Variants in ZC3H12D observed in about 807,000 individuals in gnomAD.
ZC3H12D encodes probable ribonuclease ZC3H12D.
Under a neutral mutation model 24.2 loss-of-function variants are expected in ZC3H12D, and 11 were observed. That is an observed-to-expected ratio of 0.46 (90% CI 0.29 to 0.75). The LOEUF is 0.75. Among genes scored for constraint, ZC3H12D ranks in the 30% least tolerant of loss-of-function variants. ZC3H12D has a pLI of 0.11. For missense variants in ZC3H12D, 740 were observed against 767.7 expected (o/e 0.96, Z 0.43); for synonymous variants, 333 against 341.8 (o/e 0.97, Z 0.28).
Position 149,471,957 on chromosome 6 carries a change from C to T in ZC3H12D, c.305+2282G>A, listed in dbSNP as rs77029526. Among the ~76,000 whole-genome samples, 152 of 152,360 alleles carry T rather than the reference C, an allele frequency of 1.0e-3. 2 individuals are homozygous for T. The highest frequency in any genetic ancestry group is 3.6e-3 in the African/African-American group (149 of 41,578). ...GAAAATGGCAATGTCTGCAATACTA[C>T]AAAACCTCAGTGAAAGGGAATTTTC... is the stretch of plus-strand genomic sequence containing the variant. On this transcript the variant is annotated intron_variant, in intron 2 of 5. Coordinates refer to ENST00000409806, the MANE Select transcript of ZC3H12D (RefSeq NM_207360.3).
In ZC3H12D at chr6:149,481,510, G is replaced by C. The variant is rs538377587; in HGVS notation, c.-71+3303C>G. Among the ~76,000 whole-genome samples, 230 of 151,716 alleles carry C rather than the reference G, an allele frequency of 1.5e-3. 2 individuals carry two copies. The highest frequency in any genetic ancestry group is 2.6e-3 in the Non-Finnish European group (180 of 67,972). ...CCTGCCTCAGCCTCCTGAGTAGCTG[G>C]GACTACAGGCACATGCCACCACGCC... On this transcript the variant is annotated intron_variant, in intron 1 of 5. Transcript: ENST00000409806.
At chr6:149,463,579 C>T (rs2115006661) in intron 2 of ZC3H12D, among the ~76,000 whole-genome samples, 1 of 152,280 alleles carries the variant, frequency 6.6e-6, no homozygotes, top group Admixed American at 6.5e-5. Flanking sequence ...CGTGGTGGCG[C>T]ATGCCTATAA....
rs1776077618 is a variant in ZC3H12D, at chr6:149,461,815, A to T, written c.445+16T>A. The T allele has an allele frequency of 6.4e-7, 1 of 1,551,622 alleles. No homozygotes were observed. Among genetic ancestry groups the T allele is most frequent in the South Asian group, 1.2e-5 (1 of 83,734 alleles). ...CGTGTCTAGTACCTCTTGAGCATAC[A>T]TCTGCTCCAGCATACCTCTGATAGG... On this transcript the variant is annotated intron_variant, in intron 3 of 5. Transcript: ENST00000409806.
rs571955476 is a variant in ZC3H12D at position 149,481,563 on chromosome 6, C to T, written c.-71+3250G>A. On this transcript the variant is annotated intron_variant, in intron 1 of 5. Transcript: ENST00000409806. ...AGTAATTTTTGTATTTTAGTAGAGACGGGGTTTCACTGGGTAGGTCAAACT... is the reference window on the plus strand; with the variant it reads ...AGTAATTTTTGTATTTTAGTAGAGATGGGGTTTCACTGGGTAGGTCAAACT... 9.2e-5 allele frequency among the ~76,000 whole-genome samples: 14 copies of T among 151,708 alleles called. 3 individuals carry two copies. Among genetic ancestry groups the T allele is most frequent in the Middle Eastern group, 6.8e-3 (2 of 294 alleles).
At position 149,452,647 on chromosome 6, in the gene ZC3H12D, G is replaced by A. The variant is rs1245849974; in HGVS notation, c.756C>T (p.Pro252=). 6.2e-7 allele frequency: 1 copy of A among 1,603,428 alleles called. No homozygotes were observed. The highest frequency in any genetic ancestry group is 8.5e-7 in the Non-Finnish European group (1 of 1,175,482). ...LSNFLSRKPK[P]PEPSWQHCPY... ...GACAATGCTGCCAGGATGGCTCTGG[G>A]GGCTTCGGCTTCCTGCTCAGGAAGT... Residue 252 remains proline, a synonymous_variant, in exon 5 of 6, where the codon CCC becomes CCT. Coordinates refer to ENST00000409806, the MANE Select transcript of ZC3H12D (RefSeq NM_207360.3). The surrounding 1 kb of genome is among the most constrained non-coding windows in gnomAD (Gnocchi z 4.0).
At position 149,450,835 on chromosome 6, in the gene ZC3H12D, G is replaced by T. The variant is rs1216427251; in HGVS notation, c.1432C>A (p.Arg478Ser). 6.5e-7 allele frequency: 1 copy of T among 1,545,948 alleles called. No homozygotes were observed. The highest frequency in any genetic ancestry group is 2.0e-5 in the Admixed American group (1 of 50,990). The change falls in exon 6 of 6, where the codon CGC becomes AGC. Residue 478 changes from arginine to serine, a missense_variant. Physicochemically the swap from Arg to Ser is moderately radical, Grantham distance 110. Transcript: ENST00000409806. ...YATEDDEGDA[R>S]ARARIALYSV... The stretch of plus-strand genomic sequence containing the variant: ...TAGAGCGCGATGCGAGCCCGGGCGC[G>T]CGCGTCCCCCTCGTCGTCCTCGGTC...
chr6:149,476,844 G>A (rs1776350042), intron 1 of ZC3H12D, among the ~76,000 whole-genome samples: 1 of 124,500 alleles, frequency 8.0e-6, no homozygotes, highest in Admixed American at 8.0e-5. Flanking sequence ...ATGCAGTTTG[G>A]AAATCTTTCC....
At chr6:149,453,297 C>CT (rs1254631815) in intron 4 of ZC3H12D, among the ~76,000 whole-genome samples, 2 of 62,344 alleles carry the variant, frequency 3.2e-5, no homozygotes, top group East Asian at 4.3e-3. Context: ...GAGATCCTGG[C>CT]TAAAAAAAAA....
At chr6:149,483,313 T>C (rs1218303434) in intron 1 of ZC3H12D, 2 of 152,132 alleles carry the variant, frequency 1.3e-5, no homozygotes, top group Non-Finnish European at 2.9e-5. Context: ...TTTTTTAATT[T>C]TCTTTAAATT....
intron 3 of ZC3H12D, chr6:149,459,706 G>A (rs1562473120): frequency 1.4e-6 from 1 of 717,704 alleles, no homozygotes; most frequent in South Asian, 1.5e-5. Flanking sequence ...CTACAACTAG[G>A]AAGGAAGAAG....
chr6:149,454,538 T>A (rs1391971964), intron 4 of ZC3H12D, among the ~76,000 whole-genome samples: 4 of 152,124 alleles, frequency 2.6e-5, no homozygotes, highest in Admixed American at 6.5e-5. Context: ...CCCACTGTGG[T>A]TATTAAACGT....
chr6:149,450,818 G>A lies in ZC3H12D; in HGVS notation c.1449C>T (p.Ile483=). The change falls in exon 6 of 6, where the codon ATC becomes ATT. Residue 483 remains isoleucine (I), a synonymous_variant. Coordinates refer to ENST00000409806, the MANE Select transcript of ZC3H12D (RefSeq NM_207360.3). ...CACGCGGGAAGACGCTGTAGAGCGCGATGCGAGCCCGGGCGCGCGCGTCCC... is the reference window on the plus strand; with the variant it reads ...CACGCGGGAAGACGCTGTAGAGCGCAATGCGAGCCCGGGCGCGCGCGTCCC... ...DEGDARARAR[I]ALYSVFPRDQ... is the part of the protein sequence containing the mutation. The A allele has an allele frequency of 6.5e-7, 1 of 1,547,586 alleles. No individual in the cohort carries two copies. Among genetic ancestry groups the A allele is most frequent in the Non-Finnish European group, 8.7e-7 (1 of 1,146,742 alleles).
intron 1 of ZC3H12D, chr6:149,483,194 T>C (rs777442308): frequency 6.6e-6 from 1 of 152,186 alleles, no homozygotes; most frequent in African/African-American, 2.4e-5. Context: ...AGGCCCTCAG[T>C]GGAGCTGTCA....
chr6:149,480,435 C>T (rs1776406328), intron 1 of ZC3H12D, among the ~76,000 whole-genome samples: 1 of 152,170 alleles, frequency 6.6e-6, no homozygotes. Context: ...GGGAGTGAAA[C>T]ACGGAGTACA....
chr6:149,453,119 T>C (rs1005765557), intron 4 of ZC3H12D, among the ~76,000 whole-genome samples: 12 of 126,916 alleles, frequency 9.5e-5, no homozygotes, highest in Non-Finnish European at 1.4e-4. Flanking sequence ...ACCTTGTCTC[T>C]ACAGAAAGCA....
chr6:149,466,217 A>T (rs1219298677), intron 2 of ZC3H12D, among the ~76,000 whole-genome samples: 1 of 151,916 alleles, frequency 6.6e-6, no homozygotes, highest in African/African-American at 2.4e-5. Flanking sequence ...AACAGAACCC[A>T]GTGAGGGCCC....
At chr6:149,464,046 G>A (rs425278) in intron 2 of ZC3H12D, among the ~76,000 whole-genome samples, 55,433 of 152,062 alleles carry the variant, frequency 0.36, 10,629 homozygotes, top group African/African-American at 0.46. Flanking sequence ...GTTGTAGGCC[G>A]TCTCTGTGTA....
rs1775983754 is a variant in ZC3H12D, at chr6:149,456,617, C to T, written c.680+49G>A. On this transcript the variant is annotated intron_variant, in intron 4 of 5. Coordinates refer to ENST00000409806, the MANE Select transcript of ZC3H12D (RefSeq NM_207360.3). The surrounding 1 kb of genome is among the most constrained non-coding windows in gnomAD (Gnocchi z 4.3). ...GGCGTGGCCACTGCCTCGACCCCGG[C>T]CCCCCGCCCCGCCGCCCCCCAGGGT... The T allele has an allele frequency of 1.9e-6, 2 of 1,039,204 alleles. No individual in the cohort carries two copies. The highest frequency in any genetic ancestry group is 2.9e-6 in the Non-Finnish European group (2 of 678,696). 64.4% of individuals were successfully genotyped at this position (1,039,204 alleles called of 1,614,324 possible).
At chr6:149,481,227 A>C (rs567952453) in intron 1 of ZC3H12D, among the ~76,000 whole-genome samples, 1 of 151,794 alleles carries the variant, frequency 6.6e-6, no homozygotes, top group African/African-American at 2.4e-5. Flanking sequence ...AGGCACTGTG[A>C]CGTTTGTTTT....
Sources: allele counts gnomAD v4.1 joint callset (sites outside exome capture counted in the v4.1 genomes callset), GRCh38; gene constraint gnomAD v4.1.1; non-coding constraint Gnocchi (gnomAD v3.1); transcripts MANE v1.5; gene names NCBI Gene and HGNC (gene_info 2026-07-23, HGNC 2026-07-21).